The following SPOCK3 variants were observed in gnomAD, a reference collection of about 807,000 sequenced individuals.
The protein encoded by SPOCK3 is testican-3.
Under a neutral mutation model 56.6 loss-of-function variants are expected in SPOCK3, and 30 were observed. The ratio of observed to expected loss-of-function variants is 0.53; its 90% confidence interval spans 0.40 to 0.72. The LOEUF (loss-of-function observed/expected upper bound fraction) is 0.72. Ranked by LOEUF, SPOCK3 falls within the 30% of genes least tolerant of loss-of-function variation. The probability of loss-of-function intolerance (pLI) is 0.00; values close to 1 mark genes in which losing one functional copy is unlikely to be tolerated. For synonymous variants in SPOCK3, 196 were observed against 183.3 expected (o/e 1.07, Z -0.56); for missense variants, 527 against 530.0 (o/e 0.99, Z 0.06).
chr4:166,743,530 C>A (rs1271076228), intron 8 of SPOCK3, among the ~76,000 whole-genome samples: 1 of 152,144 alleles, frequency 6.6e-6, no homozygotes. Flanking sequence ...GTCTATAGCT[C>A]CTAGTGTGAG....
Position 167,005,518 on chromosome 4 carries a change from A to G in SPOCK3, c.236-5055T>C, listed in dbSNP as rs550786382. Reference sequence around the variant, plus strand: ...GTGAGCCACCGCGCACAGACTGGACAATGATTTTCTTGGAGTCATCAACTT... The same window carrying G: ...GTGAGCCACCGCGCACAGACTGGACGATGATTTTCTTGGAGTCATCAACTT... On this transcript the variant is annotated intron_variant, in intron 3 of 10. Coordinates refer to ENST00000357545, the MANE Select transcript of SPOCK3 (RefSeq NM_001040159.2). Among the ~76,000 whole-genome samples, 17 of 152,078 alleles carry G rather than the reference A, an allele frequency of 1.1e-4. No homozygotes were observed. In the South Asian group the frequency reaches 3.1e-3, roughly 28 times the overall value.
intron 4 of SPOCK3, among the ~76,000 whole-genome samples, chr4:166,923,226 T>G (rs532024117): frequency 4.3e-4 from 66 of 152,348 alleles, no homozygotes; most frequent in South Asian, 2.1e-4. Flanking sequence ...CAAAACTCCC[T>G]GTCTCTCTCT....
chr4:166,766,249 C>T (rs1156401762), intron 7 of SPOCK3, among the ~76,000 whole-genome samples: 6 of 152,140 alleles, frequency 3.9e-5, no homozygotes, highest in East Asian at 1.9e-4. Flanking sequence ...TGAGAGAGAG[C>T]ATCCCTGTCT....
At chr4:166,966,253 T>TC (rs397774058) in intron 4 of SPOCK3, among the ~76,000 whole-genome samples, 8 of 151,502 alleles carry the variant, frequency 5.3e-5, no homozygotes, top group Non-Finnish European at 8.8e-5. Flanking sequence ...TTTTTTTTTT[T>TC]CCCGTCAAGT....
In SPOCK3 at chr4:166,889,219, A is replaced by C; in HGVS notation, c.500T>G (p.Val167Gly). 1 of 1,610,864 alleles carries C rather than the reference A, an allele frequency of 6.2e-7. No individual in the cohort carries two copies. Among genetic ancestry groups the C allele is most frequent in the Non-Finnish European group, 8.5e-7 (1 of 1,177,532 alleles). The change falls in exon 6 of 11, where the codon GTC (valine) becomes GGC (glycine). Residue 167 changes from valine (V) to glycine (G), a missense_variant. Val to Gly is a moderately radical substitution (Grantham distance 109). Transcript: ENST00000357545. ...FQCKLEYQACVLGKQISVKCE... is the reference protein window; with the variant it reads ...FQCKLEYQACGLGKQISVKCE... ...TTTGACTGAGATCTGTTTTCCTAAG[A>C]CACATGCCTGATATTCTAGTTTGCA...
chr4:167,029,132 A>G (rs1012180563), intron 3 of SPOCK3, among the ~76,000 whole-genome samples: 1 of 151,972 alleles, frequency 6.6e-6, no homozygotes, highest in African/African-American at 2.4e-5. Context: ...ATGTATTCTC[A>G]TCATGCAGCT....
At position 166,734,706 on chromosome 4, in the gene SPOCK3, TTTTC is replaced by T; in HGVS notation, c.*211_*214del. 1 of 449,594 alleles carries T rather than the reference TTTTC, an allele frequency of 2.2e-6. No individual in the cohort carries two copies. The allele number at this position is 449,594 out of a possible 1,614,324, so 27.9% of individuals were successfully genotyped here. A position where few individuals can be genotyped will look rare whatever the true frequency, so the allele number is the denominator to read the frequency against. On this transcript the variant is annotated 3_prime_UTR_variant, in exon 11 of 11. Transcript: ENST00000357545. ...TTTGTCTGACTAGACTGCATATGTA[TTTTC>T]TTTTTGTGTAAGGAATATAAAAACT...
At chr4:166,847,681 A>ATATATATAT (rs1560926812) in intron 6 of SPOCK3, among the ~76,000 whole-genome samples, 70 of 91,136 alleles carry the variant, frequency 7.7e-4, no homozygotes, top group South Asian at 1.1e-3. Context: ...ATATATATAT[A>ATATATATAT]AGAATCATGT....
intron 4 of SPOCK3, among the ~76,000 whole-genome samples, chr4:166,921,528 G>T (rs1423784116): frequency 6.6e-6 from 1 of 152,002 alleles, no homozygotes; most frequent in Non-Finnish European, 1.5e-5. Flanking sequence ...ATGTTGGCCA[G>T]GATAGTCTCA....
intron 8 of SPOCK3, among the ~76,000 whole-genome samples, chr4:166,747,430 A>G (rs539096452): frequency 2.6e-5 from 4 of 152,322 alleles, no homozygotes; most frequent in African/African-American, 7.2e-5. Flanking sequence ...GACAAAATTC[A>G]ACAGCCCTTC....
intron 3 of SPOCK3, among the ~76,000 whole-genome samples, chr4:167,050,790 A>G (rs533902737): frequency 6.6e-6 from 1 of 152,314 alleles, no homozygotes; most frequent in African/African-American, 2.4e-5. Context: ...AAATAAGTGA[A>G]CCACAAAAGG....
rs376598886 is a variant in SPOCK3, at chr4:167,045,746, T to C, written c.235+16746A>G. Among the ~76,000 whole-genome samples the C allele has an allele frequency of 5.9e-5, 9 of 152,268 alleles. No individual in the cohort carries two copies. The East Asian group carries it at 1.5e-3, about 26-fold the overall frequency. ...TTCCATAACTTTGCTGTCATTCATT[T>C]CATCTATACATAAGCATAAATAAGG... On this transcript the variant is annotated intron_variant, in intron 3 of 10. Transcript: ENST00000357545.
intron 6 of SPOCK3, among the ~76,000 whole-genome samples, chr4:166,881,537 A>G (rs1016928689): frequency 5.3e-5 from 8 of 152,224 alleles, no homozygotes; most frequent in African/African-American, 1.9e-4. Flanking sequence ...TCCACAAAAC[A>G]TAGATAATAT....
chr4:166,766,970 T>C (rs1183413653), intron 7 of SPOCK3, among the ~76,000 whole-genome samples: 1 of 152,210 alleles, frequency 6.6e-6, no homozygotes, highest in Non-Finnish European at 1.5e-5. Flanking sequence ...TCTAGTTTAT[T>C]TGTGTAGAGG....
chr4:167,135,750 AC>A (rs1410941035), intron 2 of SPOCK3, among the ~76,000 whole-genome samples: 3 of 151,596 alleles, frequency 2.0e-5, no homozygotes, highest in Non-Finnish European at 4.4e-5. Flanking sequence ...TTCACCAGAA[AC>A]TAAAACAAAA....
At chr4:167,019,453 C>A (rs371238275) in intron 3 of SPOCK3, among the ~76,000 whole-genome samples, 1 of 151,264 alleles carries the variant, frequency 6.6e-6, no homozygotes, top group South Asian at 2.1e-4. Flanking sequence ...AGAGTTATAA[C>A]CATATATAAT....
intron 2 of SPOCK3, among the ~76,000 whole-genome samples, chr4:167,117,322 A>C (rs1032909295): frequency 1.3e-5 from 2 of 152,132 alleles, no homozygotes; most frequent in South Asian, 4.1e-4. Context: ...TAAGAGCCCT[A>C]GTCACAAAAT....
chr4:167,134,687 C>A (rs576646009), intron 2 of SPOCK3, among the ~76,000 whole-genome samples: 1 of 152,166 alleles, frequency 6.6e-6, no homozygotes, highest in South Asian at 2.1e-4. Context: ...CAAAAGTATT[C>A]AAAGGACTTC....
intron 4 of SPOCK3, among the ~76,000 whole-genome samples, chr4:166,989,678 T>C (rs1198389789): frequency 6.6e-6 from 1 of 152,140 alleles, no homozygotes; most frequent in East Asian, 1.9e-4. Flanking sequence ...ATTACTAAGA[T>C]CCCATCACAC....
Sources: allele counts gnomAD v4.1 joint callset (sites outside exome capture counted in the v4.1 genomes callset), GRCh38; gene constraint gnomAD v4.1.1; transcripts MANE v1.5; gene names NCBI Gene and HGNC (gene_info 2026-07-23, HGNC 2026-07-21).